The following RARB variants were observed in gnomAD, a reference collection of about 807,000 sequenced individuals.
RARB encodes HBV-activated protein.
RARB carries 17 observed loss-of-function variants against 51.9 expected under a neutral mutation model. That is an observed-to-expected ratio of 0.33 (90% CI 0.22 to 0.49). The LOEUF (loss-of-function observed/expected upper bound fraction) is 0.49, where lower values mean the gene tolerates loss of function less well. Ranked by LOEUF, RARB falls within the 20% of genes least tolerant of loss-of-function variation. The pLI is 0.99. For missense variants in RARB, 369 were observed against 550.8 expected, an observed-to-expected ratio of 0.67 and a Z score of 3.30; for synonymous variants, 215 against 195.4, an observed-to-expected ratio of 1.10 and a Z score of -0.84.
chr3:25,252,119 T>C (rs530708413), intron 5 of RARB, among the ~76,000 whole-genome samples: 2 of 152,324 alleles, frequency 1.3e-5, no homozygotes, highest in African/African-American at 4.8e-5. Context: ...AGATTATTCT[T>C]TACTACCATT....
intron 5 of RARB, among the ~76,000 whole-genome samples, chr3:25,326,458 T>G (rs1453077542): frequency 1.3e-5 from 2 of 152,216 alleles, no homozygotes; most frequent in Non-Finnish European, 2.9e-5. Flanking sequence ...ATTGTCTAAT[T>G]TAGACTATTT....
intron 1 of RARB, among the ~76,000 whole-genome samples, chr3:25,434,616 A>C (rs1708353407): frequency 7.0e-6 from 1 of 142,214 alleles, no homozygotes; most frequent in African/African-American, 2.7e-5. Context: ...ATCTCAGCTC[A>C]CTGCAACCTC....
At chr3:25,009,273 G>A (rs1697343781) in intron 2 of RARB, among the ~76,000 whole-genome samples, 1 of 152,112 alleles carries the variant, frequency 6.6e-6, no homozygotes, top group African/African-American at 2.4e-5. Context: ...AAGATACATA[G>A]GTACTTCGTT....
At chr3:24,964,138 C>T (rs1157885448) in intron 2 of RARB, among the ~76,000 whole-genome samples, 1 of 151,854 alleles carries the variant, frequency 6.6e-6, no homozygotes, top group Non-Finnish European at 1.5e-5. Flanking sequence ...TTCCACCCCC[C>T]CACCCCACAT....
chr3:25,212,487 A>C (rs1268861111), intron 5 of RARB, among the ~76,000 whole-genome samples: 1 of 152,138 alleles, frequency 6.6e-6, no homozygotes, highest in Non-Finnish European at 1.5e-5. Flanking sequence ...GCATGGTGGC[A>C]CATGCCTGTA....
chr3:25,484,994 GATATT>G (rs1037403082), intron 2 of RARB, among the ~76,000 whole-genome samples: 11 of 152,106 alleles, frequency 7.2e-5, no homozygotes, highest in African/African-American at 9.7e-5. Context: ...TGAAAGAAGT[GATATT>G]ATATTACTAA....
intron 2 of RARB, among the ~76,000 whole-genome samples, chr3:25,490,202 C>T (rs59064369): frequency 0.01 from 1,540 of 152,176 alleles, 26 homozygotes; most frequent in African/African-American, 0.036. Context: ...CATGTATAAG[C>T]GAGAAAAATT....
chr3:25,050,180 T>C (rs1698298452), intron 2 of RARB, among the ~76,000 whole-genome samples: 2 of 152,204 alleles, frequency 1.3e-5, no homozygotes, highest in East Asian at 1.9e-4. Context: ...AGATTGTATA[T>C]TGAAATGACT....
intron 3 of RARB, among the ~76,000 whole-genome samples, chr3:25,539,570 C>A: frequency 1.0e-5 from 1 of 96,104 alleles, no homozygotes; most frequent in Admixed American, 1.2e-4. Flanking sequence ...CCTATTTTTT[C>A]CCCTTTATTT....
intron 2 of RARB, among the ~76,000 whole-genome samples, chr3:25,466,483 A>C (rs1456928965): frequency 6.6e-6 from 1 of 152,210 alleles, no homozygotes; most frequent in Non-Finnish European, 1.5e-5. Flanking sequence ...GGCGTGAGCC[A>C]CCGCTCCCAG....
At chr3:25,154,229 G>A (rs1700339068) in intron 4 of RARB, among the ~76,000 whole-genome samples, 1 of 152,216 alleles carries the variant, frequency 6.6e-6, no homozygotes, top group African/African-American at 2.4e-5. Context: ...TATATCCACA[G>A]GCATTTCAAT....
At chr3:25,286,201 G>C (rs1197281247) in intron 5 of RARB, among the ~76,000 whole-genome samples, 1 of 140,828 alleles carries the variant, frequency 7.1e-6, no homozygotes. Context: ...CCATTCTCCT[G>C]CCTCGGCCTC....
chr3:25,283,665 A>C (rs1442636965), intron 5 of RARB, among the ~76,000 whole-genome samples: 1 of 152,214 alleles, frequency 6.6e-6, no homozygotes, highest in Non-Finnish European at 1.5e-5. Context: ...GAGAAATTTT[A>C]AGCTGCAGAT....
At chr3:25,096,585 T>C (rs1013384004) in intron 3 of RARB, among the ~76,000 whole-genome samples, 4 of 152,332 alleles carry the variant, frequency 2.6e-5, no homozygotes, top group African/African-American at 9.6e-5. Flanking sequence ...TTTGACGTTT[T>C]CTGTTTCCCT....
chr3:25,029,161 C>G (rs117867201), intron 2 of RARB, among the ~76,000 whole-genome samples: 2 of 152,208 alleles, frequency 1.3e-5, no homozygotes, highest in African/African-American at 4.8e-5. Context: ...TGGGTACTGA[C>G]AAGTTCTGCA....
At chr3:25,031,050 T>C (rs934967298) in intron 2 of RARB, among the ~76,000 whole-genome samples, 1 of 152,134 alleles carries the variant, frequency 6.6e-6, no homozygotes. Flanking sequence ...CTACTGACAT[T>C]TGGGGCATGA....
intron 1 of RARB, among the ~76,000 whole-genome samples, chr3:25,451,447 C>T (rs768131227): frequency 6.6e-6 from 1 of 152,150 alleles, no homozygotes; most frequent in Non-Finnish European, 1.5e-5. Context: ...TTTTTAGGAA[C>T]CAAGAAAACC....
intron 5 of RARB, among the ~76,000 whole-genome samples, chr3:25,581,986 G>A (rs1270895881): frequency 6.6e-6 from 1 of 152,150 alleles, no homozygotes; most frequent in Admixed American, 6.5e-5. Flanking sequence ...ACAGATGGGG[G>A]TGGTGCAAGA....
Position 25,013,461 on chromosome 3 carries a change from A to G in RARB, c.-379-46664A>G, listed in dbSNP as rs41514746. Among the ~76,000 whole-genome samples the G allele has an allele frequency of 9.9e-3, 1,504 of 152,076 alleles. 19 individuals carry two copies. The highest frequency in any genetic ancestry group is 0.035 in the African/African-American group (1,438 of 41,504). Reference sequence around the variant, plus strand: ...TTTCCCAACTATTCTTAACCATCTCATCTTCTAACTTTGTGATTAGATTTC... The same window carrying G: ...TTTCCCAACTATTCTTAACCATCTCGTCTTCTAACTTTGTGATTAGATTTC... On this transcript the variant is annotated intron_variant, in intron 2 of 11. Coordinates refer to the RARB transcript ENST00000383772.
Sources: allele counts gnomAD v4.1 joint callset (sites outside exome capture counted in the v4.1 genomes callset), GRCh38; gene constraint gnomAD v4.1.1; transcripts MANE v1.5; gene names NCBI Gene and HGNC (gene_info 2026-07-23, HGNC 2026-07-21).